The following APOC1 variants were observed in gnomAD, a reference collection of about 807,000 sequenced individuals.
APOC1 encodes apolipoprotein C-I.
In APOC1, 4 loss-of-function variants were observed where a neutral mutation model predicts 6.7. The observed-to-expected ratio is 0.60, with a 90% CI of 0.29 to 1.37. The LOEUF (loss-of-function observed/expected upper bound fraction) is 1.37. Among genes scored for constraint, APOC1 ranks in the 40% most tolerant of loss-of-function variants. The probability of loss-of-function intolerance (pLI) is 0.09; values close to 1 mark genes in which losing one functional copy is unlikely to be tolerated. For missense variants in APOC1, 122 were observed against 99.4 expected, an observed-to-expected ratio of 1.23 and a Z score of -0.97; for synonymous variants, 33 against 40.6, an observed-to-expected ratio of 0.81 and a Z score of 0.72.
chr19:44,916,235 A>G lies in APOC1; in HGVS notation c.104A>G (p.Asp35Gly), dbSNP rs756974870. ...QGTPDVSSAL[D>G]KLKEFGNTLE... ...ACCCCAGACGTCTCCAGTGCCTTGG[A>G]TAAGCTGAAGGAGTTTGGAAACACA... is the stretch of plus-strand genomic sequence containing the variant. Residue 35 changes from aspartate to glycine, a missense_variant, in exon 3 of 4, where the codon GAT (aspartate) becomes GGT (glycine). Transcript: ENST00000592535. The G allele has an allele frequency of 3.7e-6, 6 of 1,612,384 alleles. No individual in the cohort carries two copies. In the Admixed American group the frequency reaches 6.7e-5, roughly 18 times the overall value.
rs1038911885 is a variant in APOC1 at position 44,918,431 on chromosome 19, G to A, written c.195-742G>A. Among the ~76,000 whole-genome samples the A allele has an allele frequency of 1.7e-3, 243 of 139,836 alleles. 1 individual carries two copies. The highest frequency in any genetic ancestry group is 9.3e-4 in the Non-Finnish European group (61 of 65,784). The allele number at this position is 139,836 out of a possible 152,430, so 91.7% of individuals were successfully genotyped here. A position where few individuals can be genotyped will look rare whatever the true frequency, so the allele number is the denominator to read the frequency against. ...GGCTGGATTGCAGTGGCCTGATCTCGGCTCACTGCAAGTTCCGCCTCCCGG... is the reference window on the plus strand; with the variant it reads ...GGCTGGATTGCAGTGGCCTGATCTCAGCTCACTGCAAGTTCCGCCTCCCGG... On this transcript the variant is annotated intron_variant, in intron 3 of 3. Coordinates refer to ENST00000592535, the MANE Select transcript of APOC1 (RefSeq NM_001645.5).
chr19:44,916,809 C>CAAA lies in APOC1; in HGVS notation c.194+508_194+510dup, dbSNP rs1160183813. Among the ~76,000 whole-genome samples, 20 of 46,394 alleles carry CAAA rather than the reference C, an allele frequency of 4.3e-4. 2 individuals are homozygous for CAAA. Among genetic ancestry groups the CAAA allele is most frequent in the Admixed American group, 6.8e-4 (2 of 2,932 alleles). The allele number at this position is 46,394 out of a possible 152,430, so 30.4% of individuals were successfully genotyped here. A position where few individuals can be genotyped will look rare whatever the true frequency, so the allele number is the denominator to read the frequency against. On this transcript the variant is annotated intron_variant, in intron 3 of 3. Transcript: ENST00000592535. ...TGGGTGACAGAAGGAGACTCTGTCT[C>CAAA]AAAAAAAAAAAAAAAAAAAAAAAAA...
At position 44,919,325 on chromosome 19, in the gene APOC1, C is replaced by G. The variant is rs1970061755; in HGVS notation, c.*95C>G. ...TCCCTCCATGTGGCCCCAGGTGCCACCAATAAAAATCCTACAGAAAATTCT... is the reference window on the plus strand; with the variant it reads ...TCCCTCCATGTGGCCCCAGGTGCCAGCAATAAAAATCCTACAGAAAATTCT... On this transcript the variant is annotated 3_prime_UTR_variant, in exon 4 of 4. Transcript: ENST00000592535. 3 of 1,121,068 alleles carry G rather than the reference C, an allele frequency of 2.7e-6. No individual in the cohort carries two copies. In the South Asian group the frequency reaches 3.9e-5, roughly 15 times the overall value. 69.4% of individuals were successfully genotyped at this position (1,121,068 alleles called of 1,614,324 possible).
At position 44,915,403 on chromosome 19, in the gene APOC1, A is replaced by C. The variant is rs1333241103; in HGVS notation, c.58+454A>C. Among the ~76,000 whole-genome samples the C allele has an allele frequency of 3.0e-4, 44 of 146,766 alleles. 1 individual carries two copies. On this transcript the variant is annotated intron_variant, in intron 2 of 3. Coordinates refer to ENST00000592535, the MANE Select transcript of APOC1 (RefSeq NM_001645.5). ...CAGTGGCGCGATCTCGGCTCACTGC[A>C]AGCTCCGCCTCCCTGGTTCACGCCA...
chr19:44,915,425 G>A (rs987177879), intron 2 of APOC1, among the ~76,000 whole-genome samples: 18 of 147,736 alleles, frequency 1.2e-4, no homozygotes, highest in Admixed American at 1.1e-3. Context: ...CCTGGTTCAC[G>A]CCATTCTCCT....
At chr19:44,914,973 C>A in intron 2 of APOC1, 24 bp downstream of exon 2, 5 of 1,590,392 alleles carry the variant, frequency 3.1e-6, no homozygotes, top group Non-Finnish European at 3.4e-6. Context: ...GGGAGAATTG[C>A]GGAGTTGGAG....
chr19:44,915,015 G>C (rs1391266330), intron 2 of APOC1, 66 bp downstream of exon 2: 41 of 1,502,476 alleles, frequency 2.7e-5, no homozygotes, highest in Non-Finnish European at 3.7e-5. Flanking sequence ...TACAGGCCTG[G>C]GGTCCCGGCT....
At chr19:44,915,414 C>T (rs1480052592) in intron 2 of APOC1, among the ~76,000 whole-genome samples, 2 of 151,000 alleles carry the variant, frequency 1.3e-5, no homozygotes, top group East Asian at 4.0e-4. Flanking sequence ...AGCTCCGCCT[C>T]CCTGGTTCAC....
In APOC1 at chr19:44,914,917, T is replaced by C; in HGVS notation, c.26T>C (p.Val9Ala). The part of the protein sequence containing the change: MRLFLSLP[V>A]LVVVLSIVLE... Reference sequence around the variant, plus strand: ...ATGAGGCTCTTCCTGTCGCTCCCGGTCCTGGTGGTGGTTCTGTCGATCGTC... The same window carrying C: ...ATGAGGCTCTTCCTGTCGCTCCCGGCCCTGGTGGTGGTTCTGTCGATCGTC... Residue 9 changes from valine to alanine, a missense_variant, in exon 2 of 4, where the codon GTC (valine) becomes GCC (alanine). Coordinates refer to ENST00000592535, the MANE Select transcript of APOC1 (RefSeq NM_001645.5). 6.2e-7 allele frequency: 1 copy of C among 1,613,826 alleles called. No individual in the cohort carries two copies. The highest frequency in any genetic ancestry group is 2.2e-5 in the East Asian group (1 of 44,878).
Position 44,918,507 on chromosome 19 carries a change from A to G in APOC1, c.195-666A>G, listed in dbSNP as rs540950376. On this transcript the variant is annotated intron_variant, in intron 3 of 3. Coordinates refer to ENST00000592535, the MANE Select transcript of APOC1 (RefSeq NM_001645.5). ...CTCCCGAGTAGCTGGGACTACAGGC[A>G]CCTGCCACCACGCCAGCTAATTTTT... 2.5e-3 allele frequency among the ~76,000 whole-genome samples: 374 copies of G among 147,966 alleles called. 1 individual carries two copies. Among genetic ancestry groups the G allele is most frequent in the African/African-American group, 9.1e-3 (365 of 40,212 alleles).
chr19:44,917,077 G>T (rs1319755133), intron 3 of APOC1, among the ~76,000 whole-genome samples: 3 of 152,036 alleles, frequency 2.0e-5, no homozygotes, highest in Non-Finnish European at 4.4e-5. Context: ...GTGTGATCTT[G>T]ACAGAGGGGC....
intron 3 of APOC1, among the ~76,000 whole-genome samples, chr19:44,917,196 A>C (rs1320477436): frequency 1.3e-5 from 2 of 152,160 alleles, no homozygotes; most frequent in African/African-American, 2.4e-5. Flanking sequence ...TATATCATGA[A>C]ACCCACCCTT....
At chr19:44,919,026 A>C in intron 3 of APOC1, 147 bp from the exon 4 acceptor site, 1 of 747,566 alleles carries the variant, frequency 1.3e-6, no homozygotes, top group South Asian at 1.7e-5. Context: ...AAGTTGGCCC[A>C]CCCAGCCCAG....
upstream of APOC1, chr19:44,914,554 C>A: frequency 3.2e-6 from 1 of 314,130 alleles, no homozygotes; most frequent in South Asian, 4.2e-5. Flanking sequence ...CACCTGACCC[C>A]AACGCTCACG....
At chr19:44,918,200 A>G (rs1186103435) in intron 3 of APOC1, among the ~76,000 whole-genome samples, 28 of 145,382 alleles carry the variant, frequency 1.9e-4, no homozygotes, top group Middle Eastern at 3.7e-3. Flanking sequence ...CCTGGGAGGC[A>G]GAGGTTGCAG....
At chr19:44,918,369 T>A (rs887609923) in intron 3 of APOC1, among the ~76,000 whole-genome samples, 92 of 142,044 alleles carry the variant, frequency 6.5e-4, no homozygotes, top group Non-Finnish European at 1.2e-3. Context: ...TCTTTTTAAA[T>A]TTTTTTTTTT....
chr19:44,914,740 G>A lies in APOC1; in HGVS notation c.-21+7G>A. 1 of 722,042 alleles carries A rather than the reference G, an allele frequency of 1.4e-6. No individual in the cohort carries two copies. Among genetic ancestry groups the A allele is most frequent in the Non-Finnish European group, 2.4e-6 (1 of 423,464 alleles). 44.7% of individuals were successfully genotyped at this position (722,042 alleles called of 1,614,324 possible). The stretch of plus-strand genomic sequence containing the variant: ...CCCTCCAGCAAGGATTCAGGTTGGT[G>A]CTGAGTGCCTGGGAGGGACACCCGC... On this transcript the variant is annotated splice_region_variant and intron_variant, in intron 1 of 3. Transcript: ENST00000592535.
At position 44,916,948 on chromosome 19, in the gene APOC1, G is replaced by A. The variant is rs1970021157; in HGVS notation, c.194+623G>A. The stretch of plus-strand genomic sequence containing the variant: ...AGTTCGAGACCAGCCTGACCAACAT[G>A]GCGAGATCCTGTCTCCATTTAAAAA... On this transcript the variant is annotated intron_variant, in intron 3 of 3. Transcript: ENST00000592535. 2.0e-5 allele frequency among the ~76,000 whole-genome samples: 3 copies of A among 149,736 alleles called. No individual in the cohort carries two copies. The South Asian group carries it at 6.4e-4, about 32-fold the overall frequency.
At position 44,916,284 on chromosome 19, in the gene APOC1, C is replaced by A. The variant is rs1970007070; in HGVS notation, c.153C>A (p.Leu51=). 1 of 1,613,890 alleles carries A rather than the reference C, an allele frequency of 6.2e-7. No homozygotes were observed. Among genetic ancestry groups the A allele is most frequent in the African/African-American group, 1.3e-5 (1 of 74,862 alleles). Residue 51 remains leucine (L), a synonymous_variant, in exon 3 of 4, where the codon CTC becomes CTA. Transcript: ENST00000592535. ...CACTGGAGGACAAGGCTCGGGAACT[C>A]ATCAGCCGCATCAAACAGAGTGAAC... ...GNTLEDKARE[L]ISRIKQSELS...
Sources: gnomAD v4.1 joint callset for allele counts (sites outside exome capture counted in the v4.1 genomes callset) on GRCh38, gnomAD v4.1.1 for gene constraint, MANE v1.5 for transcripts, NCBI Gene and HGNC (gene_info 2026-07-23, HGNC 2026-07-21) for gene names.